FAM83B: variants seen among roughly 807,000 people sequenced by gnomAD.
FAM83B encodes scaffolding CK1 anchoring protein B.
FAM83B carries 26 observed loss-of-function variants against 38.8 expected under a neutral mutation model. The observed-to-expected ratio is 0.67, with a 90% CI of 0.49 to 0.93. FAM83B has a LOEUF of 0.93. Ranked by LOEUF, FAM83B falls within the 40% of genes least tolerant of loss-of-function variation. The pLI, the probability that FAM83B is intolerant of heterozygous loss-of-function variation, is 0.00. For synonymous variants in FAM83B, 419 were observed against 423.1 expected (o/e 0.99, Z 0.12); for missense variants, 1,237 against 1,197.3 (o/e 1.03, Z -0.49).
chr6:54,846,730 C>G (rs905663784), upstream of FAM83B: 1 of 152,270 alleles, frequency 6.6e-6, no homozygotes, highest in Non-Finnish European at 1.5e-5. Context: ...CTCCCCTCCC[C>G]TCCCTGCCCG....
At chr6:54,869,804 A>T (rs7761336) in intron 1 of FAM83B, among the ~76,000 whole-genome samples, 55,759 of 152,106 alleles carry the variant, frequency 0.37, 11,378 homozygotes, top group East Asian at 0.85. Context: ...TGCCTCCTCA[A>T]CTAATTAATA....
rs757285314 is a variant in FAM83B at position 54,941,708 on chromosome 6, A to T, written c.2737A>T (p.Thr913Ser). The T allele has an allele frequency of 7.4e-6, 12 of 1,614,070 alleles. No homozygotes were observed. In the East Asian group the frequency reaches 2.7e-4, roughly 36 times the overall value. ...NAVVTPERRPTSSPRPTSSEL... is the reference protein window; with the variant it reads ...NAVVTPERRPSSSPRPTSSEL... Reference sequence around the variant, plus strand: ...AGTTGTTACCCCTGAAAGAAGACCTACTTCTTCTCCAAGGCCAACGTCCAG... The same window carrying T: ...AGTTGTTACCCCTGAAAGAAGACCTTCTTCTTCTCCAAGGCCAACGTCCAG... Residue 913 changes from threonine to serine, a missense_variant, in exon 5 of 5, where the codon ACT becomes TCT. Transcript: ENST00000306858.
intron 2 of FAM83B, among the ~76,000 whole-genome samples, chr6:54,924,588 T>TATTCC (rs1241925697): frequency 6.6e-6 from 1 of 151,882 alleles, no homozygotes; most frequent in African/African-American, 2.4e-5. Context: ...TGGTGTTCAG[T>TATTCC]ATTCCACCTG....
chr6:54,901,333 G>A (rs566905003), intron 2 of FAM83B, among the ~76,000 whole-genome samples: 28 of 152,170 alleles, frequency 1.8e-4, no homozygotes, highest in African/African-American at 6.3e-4. Flanking sequence ...AATTGTTTCA[G>A]GTTTACAAAG....
intron 2 of FAM83B, among the ~76,000 whole-genome samples, chr6:54,903,062 G>A (rs1313594149): frequency 6.6e-6 from 1 of 152,012 alleles, no homozygotes; most frequent in Non-Finnish European, 1.5e-5. Context: ...CATACAATTT[G>A]CATATATTTA....
Position 54,941,268 on chromosome 6 carries a change from G to C in FAM83B, c.2297G>C (p.Ser766Thr), listed in dbSNP as rs1242475736. 1 of 1,604,974 alleles carries C rather than the reference G, an allele frequency of 6.2e-7. No homozygotes were observed. Residue 766 changes from serine (S) to threonine (T), a missense_variant, in exon 5 of 5, where the codon AGT (serine) becomes ACT (threonine). Physicochemically the swap from Ser to Thr is moderately conservative, Grantham distance 58 (BLOSUM62 1). Transcript: ENST00000306858. ...AAGAAGGAAGTTAAGGGTTCCCCAA[G>C]TTTTTTGAAAAAGGGGTCTCAGAAG... ...ASKKEVKGSPSFLKKGSQKLR... is the reference protein window; with the variant it reads ...ASKKEVKGSPTFLKKGSQKLR...
chr6:54,853,341 A>C (rs1418614017), intron 1 of FAM83B, among the ~76,000 whole-genome samples: 2 of 152,210 alleles, frequency 1.3e-5, no homozygotes, highest in Non-Finnish European at 2.9e-5. Flanking sequence ...TAGGTGACAC[A>C]GCCTTCTAGT....
chr6:54,898,821 C>A (rs917363528), intron 2 of FAM83B, among the ~76,000 whole-genome samples: 24 of 152,266 alleles, frequency 1.6e-4, no homozygotes, highest in African/African-American at 4.8e-4. Context: ...CTACTTTAGG[C>A]ATGCATGATC....
chr6:54,924,801 T>C (rs1195676000), intron 2 of FAM83B, among the ~76,000 whole-genome samples: 1 of 152,068 alleles, frequency 6.6e-6, no homozygotes, highest in African/African-American at 2.4e-5. Flanking sequence ...CACTACCATC[T>C]TGGTCCTACA....
chr6:54,890,131 AG>A (rs1047604379), intron 2 of FAM83B, among the ~76,000 whole-genome samples: 26 of 152,206 alleles, frequency 1.7e-4, no homozygotes, highest in Non-Finnish European at 2.5e-4. Context: ...TAGAACACAT[AG>A]GTTTGGAAAA....
At chr6:54,880,299 T>C (rs916712216) in intron 2 of FAM83B, among the ~76,000 whole-genome samples, 7 of 152,244 alleles carry the variant, frequency 4.6e-5, no homozygotes, top group Non-Finnish European at 8.8e-5. Flanking sequence ...TTTTTCCACC[T>C]GTTTACTCTT....
At chr6:54,885,072 C>T (rs1025901420) in intron 2 of FAM83B, among the ~76,000 whole-genome samples, 3 of 151,898 alleles carry the variant, frequency 2.0e-5, no homozygotes, top group African/African-American at 7.3e-5. Context: ...GCGCCCGGCC[C>T]AGTAACAATA....
intron 4 of FAM83B, 144 bp from the exon 5 acceptor site, chr6:54,939,562 G>T (rs889407217): frequency 1.1e-5 from 8 of 734,626 alleles, no homozygotes; most frequent in Non-Finnish European, 1.6e-5. Flanking sequence ...AACATGTAGT[G>T]CATGTAATGA....
intron 2 of FAM83B, among the ~76,000 whole-genome samples, chr6:54,892,698 A>T (rs1224710670): frequency 2.0e-5 from 3 of 148,824 alleles, no homozygotes; most frequent in Non-Finnish European, 3.0e-5. Context: ...ACATAAATAT[A>T]TATATTGTAT....
intron 4 of FAM83B, among the ~76,000 whole-genome samples, chr6:54,931,375 T>C (rs1023453813): frequency 6.6e-6 from 1 of 152,284 alleles, no homozygotes; most frequent in South Asian, 2.1e-4. Context: ...TTATTGAAAG[T>C]AGAGTATTGA....
intron 1 of FAM83B, among the ~76,000 whole-genome samples, chr6:54,864,335 A>G (rs1209841763): frequency 6.6e-6 from 1 of 152,194 alleles, no homozygotes; most frequent in Non-Finnish European, 1.5e-5. Flanking sequence ...TGGGATTCCC[A>G]TTTGAGATTT....
intron 4 of FAM83B, among the ~76,000 whole-genome samples, chr6:54,930,803 TA>T (rs562119927): frequency 4.3e-4 from 66 of 152,178 alleles, no homozygotes; most frequent in Admixed American, 9.8e-4. Context: ...CTTTTAGCTT[TA>T]AAAAAATGTT....
intron 2 of FAM83B, among the ~76,000 whole-genome samples, chr6:54,906,510 G>A (rs1772779634): frequency 6.6e-6 from 1 of 151,894 alleles, no homozygotes; most frequent in African/African-American, 2.4e-5. Context: ...TCAGCCTCCC[G>A]AGTAGCTGCT....
chr6:54,872,547 C>T (rs367953704), intron 2 of FAM83B, among the ~76,000 whole-genome samples: 1 of 152,100 alleles, frequency 6.6e-6, no homozygotes, highest in African/African-American at 2.4e-5. Context: ...TATCACCCTG[C>T]GTGATAGCTA....
Sources: gnomAD v4.1 joint callset for allele counts (sites outside exome capture counted in the v4.1 genomes callset) on GRCh38, gnomAD v4.1.1 for gene constraint, MANE v1.5 for transcripts, NCBI Gene and HGNC (gene_info 2026-07-23, HGNC 2026-07-21) for gene names.